The following CNTN5 variants were observed in gnomAD, a reference collection of about 807,000 sequenced individuals.
CNTN5 encodes the protein contactin 5, also known as contactin-5.
CNTN5 carries 77 observed loss-of-function variants against 129.1 expected under a neutral mutation model. The observed-to-expected ratio is 0.60, with a 90% CI of 0.50 to 0.72. The LOEUF is 0.72. CNTN5 is among the 30% of genes least tolerant of loss of function. CNTN5 has a pLI of 0.00. For missense variants in CNTN5, 1,478 were observed against 1,328.8 expected (o/e 1.11, Z -1.75); for synonymous variants, 509 against 465.6 (o/e 1.09, Z -1.20).
chr11:99,835,544 C>G (rs1947275512), intron 4 of CNTN5, among the ~76,000 whole-genome samples: 1 of 152,166 alleles, frequency 6.6e-6, no homozygotes, highest in South Asian at 2.1e-4. Flanking sequence ...TAGTGAATGT[C>G]AGTCACTTTA....
At chr11:99,032,074 C>T (rs1006532098) in intron 1 of CNTN5, among the ~76,000 whole-genome samples, 41 of 151,976 alleles carry the variant, frequency 2.7e-4, no homozygotes, top group Non-Finnish European at 3.7e-4. Context: ...ATTTCATCCA[C>T]GTCCCTAAAA....
rs185047833 is a variant in CNTN5 at position 100,261,605 on chromosome 11, G to A, written c.2164+5687G>A. 1.1e-4 allele frequency among the ~76,000 whole-genome samples: 16 copies of A among 152,194 alleles called. No homozygotes were observed. In the East Asian group the frequency reaches 1.9e-3, roughly 18 times the overall value. On this transcript the variant is annotated intron_variant, in intron 17 of 24. Coordinates refer to ENST00000524871, the MANE Select transcript of CNTN5 (RefSeq NM_014361.4). ...GTACTGGTACCAAAACAGAGATACC[G>A]ACCAATGGAGCAGAACAGAGACCTC... is the stretch of plus-strand genomic sequence containing the variant.
intron 2 of CNTN5, among the ~76,000 whole-genome samples, chr11:99,472,375 GCATTTACTT>G (rs143412946): frequency 0.025 from 3,834 of 151,988 alleles, 166 homozygotes; most frequent in African/African-American, 0.087. Flanking sequence ...TCTTTTCTTG[GCATTTACTT>G]CATTTACTGC....
chr11:99,506,684 A>G (rs181599981), intron 2 of CNTN5, among the ~76,000 whole-genome samples: 235 of 152,348 alleles, frequency 1.5e-3, no homozygotes, highest in Middle Eastern at 3.4e-3. Context: ...AGTAACGTAA[A>G]TAAGTAAAAT....
chr11:99,307,080 A>T (rs1168001288), intron 1 of CNTN5, among the ~76,000 whole-genome samples: 2 of 152,180 alleles, frequency 1.3e-5, no homozygotes, highest in African/African-American at 4.8e-5. Flanking sequence ...CTAATGAAAT[A>T]TGAAAAGAAT....
chr11:99,595,294 T>C (rs535547323), intron 3 of CNTN5, among the ~76,000 whole-genome samples: 2 of 152,200 alleles, frequency 1.3e-5, no homozygotes, highest in African/African-American at 4.8e-5. Context: ...TTTGTATATA[T>C]GCACTGAAAC....
intron 1 of CNTN5, among the ~76,000 whole-genome samples, chr11:99,288,785 T>C (rs1864048660): frequency 6.6e-6 from 1 of 151,942 alleles, no homozygotes; most frequent in African/African-American, 2.4e-5. Context: ...TAAAATGAAC[T>C]ATTATTTTGA....
chr11:99,656,654 C>T (rs1295730391), intron 3 of CNTN5, among the ~76,000 whole-genome samples: 1 of 152,084 alleles, frequency 6.6e-6, no homozygotes, highest in Admixed American at 6.6e-5. Context: ...GGCACATTTG[C>T]CCAGAGATGC....
rs759834256 is a variant in CNTN5 at position 100,086,714 on chromosome 11, AGTT to A, written c.1580+12421_1580+12423del. On this transcript the variant is annotated intron_variant, in intron 13 of 24. Coordinates refer to ENST00000524871, the MANE Select transcript of CNTN5 (RefSeq NM_014361.4). The stretch of plus-strand genomic sequence containing the variant: ...AGCAAAAATAAATAGCAAAGTTGAA[AGTT>A]AATAATGGGAAAAAATGAATCATAT... Among the ~76,000 whole-genome samples the A allele has an allele frequency of 9.9e-5, 15 of 151,736 alleles. No individual in the cohort carries two copies. The South Asian group carries it at 1.2e-3, about 13-fold the overall frequency.
In CNTN5 at chr11:99,762,013, C is replaced by T. The variant is rs11221261; in HGVS notation, c.56-57531C>T. ...TTTTGATTTGCATTTCTCTGATGGCCAGTGATGATGGGCATTTTTTCATGT... is the reference window on the plus strand; with the variant it reads ...TTTTGATTTGCATTTCTCTGATGGCTAGTGATGATGGGCATTTTTTCATGT... On this transcript the variant is annotated intron_variant, in intron 3 of 24. Transcript: ENST00000524871. 6.2e-3 allele frequency among the ~76,000 whole-genome samples: 665 copies of T among 107,044 alleles called. 1 individual carries two copies. Among genetic ancestry groups the T allele is most frequent in the Admixed American group, 8.9e-3 (93 of 10,498 alleles). 70.2% of individuals were successfully genotyped at this position (107,044 alleles called of 152,430 possible).
chr11:100,213,795 C>T (rs1770565031), intron 15 of CNTN5, among the ~76,000 whole-genome samples: 1 of 152,038 alleles, frequency 6.6e-6, no homozygotes, highest in Non-Finnish European at 1.5e-5. Context: ...TTTTAATTGC[C>T]TCAATTCTAA....
chr11:99,763,344 A>C (rs888448604), intron 3 of CNTN5, among the ~76,000 whole-genome samples: 1 of 152,140 alleles, frequency 6.6e-6, no homozygotes, highest in African/African-American at 2.4e-5. Flanking sequence ...AAACAAAAGG[A>C]TAATCATAAA....
chr11:99,089,128 T>C (rs1866129258), intron 1 of CNTN5, among the ~76,000 whole-genome samples: 1 of 152,096 alleles, frequency 6.6e-6, no homozygotes, highest in African/African-American at 2.4e-5. Flanking sequence ...TGAGAGAACA[T>C]TGAAGTTATA....
intron 13 of CNTN5, among the ~76,000 whole-genome samples, chr11:100,156,340 C>G (rs1947241581): frequency 6.6e-6 from 1 of 152,112 alleles, no homozygotes; most frequent in South Asian, 2.1e-4. Flanking sequence ...CCCTGCATCC[C>G]AGGGATGAAG....
chr11:99,328,059 AAT>A (rs1392705291), intron 2 of CNTN5, among the ~76,000 whole-genome samples: 1 of 152,242 alleles, frequency 6.6e-6, no homozygotes, highest in African/African-American at 2.4e-5. Context: ...AGTTGATAAG[AAT>A]AGAGTAGAAT....
At chr11:99,432,343 A>T (rs1437129096) in intron 2 of CNTN5, among the ~76,000 whole-genome samples, 2 of 152,174 alleles carry the variant, frequency 1.3e-5, no homozygotes, top group African/African-American at 2.4e-5. Flanking sequence ...TTTTGTTTCC[A>T]GATACCGTCA....
At chr11:99,513,156 C>G (rs2135416824) in intron 2 of CNTN5, among the ~76,000 whole-genome samples, 1 of 152,254 alleles carries the variant, frequency 6.6e-6, no homozygotes, top group South Asian at 2.1e-4. Flanking sequence ...AGGATCAAAC[C>G]AGCCACAACA....
intron 2 of CNTN5, among the ~76,000 whole-genome samples, chr11:99,414,540 C>A (rs1313832250): frequency 6.6e-6 from 1 of 151,780 alleles, no homozygotes; most frequent in South Asian, 2.1e-4. Context: ...CAGCAATGAA[C>A]AAATACATAT....
chr11:100,181,703 A>G (rs1462295076), intron 13 of CNTN5, among the ~76,000 whole-genome samples: 1 of 152,052 alleles, frequency 6.6e-6, no homozygotes, highest in Non-Finnish European at 1.5e-5. Context: ...AATCTGTTTT[A>G]TTTCTTAAAA....
Sources: gnomAD v4.1 joint callset for allele counts (sites outside exome capture counted in the v4.1 genomes callset) on GRCh38, gnomAD v4.1.1 for gene constraint, MANE v1.5 for transcripts, NCBI Gene and HGNC (gene_info 2026-07-23, HGNC 2026-07-21) for gene names.